Variants in SLC44A5 observed in about 807,000 individuals in gnomAD.
The protein encoded by SLC44A5 is solute carrier family 44 member 5.
Under a neutral mutation model 101.8 loss-of-function variants are expected in SLC44A5, and 57 were observed. That is an observed-to-expected ratio of 0.56 (90% CI 0.45 to 0.70). The LOEUF is 0.70. SLC44A5 is among the 30% of genes least tolerant of loss of function. The pLI, the probability that SLC44A5 is intolerant of heterozygous loss-of-function variation, is 0.00. For synonymous variants in SLC44A5, 281 were observed against 290.9 expected, an observed-to-expected ratio of 0.97 and a Z score of 0.35; for missense variants, 737 against 853.1, an observed-to-expected ratio of 0.86 and a Z score of 1.70.
the SLC44A5 span, among the ~76,000 whole-genome samples, chr1:75,656,541 A>G: frequency 1.3e-5 from 2 of 152,226 alleles, no homozygotes; most frequent in Non-Finnish European, 2.9e-5. Context: ...ACAGAGTGTT[A>G]TAATTTTTTC....
chr1:75,644,730 G>A, the SLC44A5 span, among the ~76,000 whole-genome samples: 465 of 152,056 alleles, frequency 3.1e-3, 2 homozygotes, highest in Non-Finnish European at 5.6e-3. Context: ...ATGTTGGTGT[G>A]CTGCACCTAT....
chr1:75,421,761 G>A (rs1246058039), intron 2 of SLC44A5, among the ~76,000 whole-genome samples: 1 of 151,808 alleles, frequency 6.6e-6, no homozygotes, highest in Non-Finnish European at 1.5e-5. Context: ...GAAACATGTA[G>A]GTGGAAAAAA....
chr1:75,222,546 T>C, intron 13 of SLC44A5, 86 bp from the exon 14 acceptor site: 2 of 752,944 alleles, frequency 2.7e-6, no homozygotes, highest in Non-Finnish European at 4.5e-6. Context: ...TTGAACTTTA[T>C]GATTATTTCT....
chr1:75,247,148 T>A (rs1372828135), intron 7 of SLC44A5, among the ~76,000 whole-genome samples: 1 of 151,916 alleles, frequency 6.6e-6, no homozygotes, highest in Non-Finnish European at 1.5e-5. Context: ...CTTGAACTAA[T>A]CTAAAAAAGA....
intron 1 of SLC44A5, among the ~76,000 whole-genome samples, chr1:75,544,469 T>C (rs1671533989): frequency 6.6e-6 from 1 of 152,190 alleles, no homozygotes; most frequent in African/African-American, 2.4e-5. Flanking sequence ...TGTTACCATT[T>C]TGCCACTTTT....
chr1:75,485,150 A>G (rs188148609), intron 2 of SLC44A5, among the ~76,000 whole-genome samples: 173 of 152,344 alleles, frequency 1.1e-3, no homozygotes, highest in African/African-American at 2.9e-3. Flanking sequence ...TTCTTCCCAT[A>G]AAATGGGTTT....
At chr1:75,376,149 G>A (rs1021936242) in intron 3 of SLC44A5, among the ~76,000 whole-genome samples, 4 of 152,192 alleles carry the variant, frequency 2.6e-5, no homozygotes, top group East Asian at 1.9e-4. Flanking sequence ...AACGGCGCAC[G>A]ACGAGATTAT....
At chr1:75,672,647 C>T in the SLC44A5 span, among the ~76,000 whole-genome samples, 3 of 152,138 alleles carry the variant, frequency 2.0e-5, no homozygotes, top group Non-Finnish European at 4.4e-5. Flanking sequence ...TTGCATGACC[C>T]CTCCCCAAAA....
chr1:75,371,923 G>A (rs758009036), intron 3 of SLC44A5, among the ~76,000 whole-genome samples: 7 of 152,142 alleles, frequency 4.6e-5, no homozygotes, highest in Non-Finnish European at 8.8e-5. Context: ...GTAGCTGGGC[G>A]CAGTGGCTCA....
intron 3 of SLC44A5, among the ~76,000 whole-genome samples, chr1:75,380,311 T>C (rs1660862373): frequency 1.2e-5 from 1 of 86,380 alleles, no homozygotes; most frequent in Non-Finnish European, 2.0e-5. Context: ...CTTGGGAAGA[T>C]CAAGTCTAAA....
At chr1:75,624,132 T>A in the SLC44A5 span, among the ~76,000 whole-genome samples, 1 of 152,146 alleles carries the variant, frequency 6.6e-6, no homozygotes. Flanking sequence ...GAAGTGGTTG[T>A]CTACTGATCA....
intron 12 of SLC44A5, among the ~76,000 whole-genome samples, chr1:75,233,441 CCACA>C (rs1647778776): frequency 6.6e-6 from 1 of 151,868 alleles, no homozygotes; most frequent in Non-Finnish European, 1.5e-5. Context: ...TATTTAGCTC[CCACA>C]CATTATTTAG....
At position 75,523,570 on chromosome 1, in the gene SLC44A5, C is replaced by T. The variant is rs113625666; in HGVS notation, c.13+17865G>A. Among the ~76,000 whole-genome samples the T allele has an allele frequency of 9.4e-3, 1,431 of 152,270 alleles. 7 individuals are homozygous for T. The highest frequency in any genetic ancestry group is 0.014 in the Non-Finnish European group (979 of 68,020). The stretch of plus-strand genomic sequence containing the variant: ...CTCCTGACCTCAGTTGATCCACCCG[C>T]CTCGGCCTCCCAAAGTGTTGGGATT... On this transcript the variant is annotated intron_variant, in intron 2 of 23. Coordinates refer to ENST00000370859, the MANE Select transcript of SLC44A5 (RefSeq NM_001130058.2).
the SLC44A5 span, among the ~76,000 whole-genome samples, chr1:75,695,390 T>C: frequency 6.6e-6 from 1 of 152,188 alleles, no homozygotes; most frequent in Admixed American, 6.5e-5. Flanking sequence ...TGGTGTCTCC[T>C]GGAGCTGTTT....
chr1:75,463,616 C>T (rs1437385848), intron 2 of SLC44A5, among the ~76,000 whole-genome samples: 1 of 151,846 alleles, frequency 6.6e-6, no homozygotes, highest in Non-Finnish European at 1.5e-5. Context: ...GTGAAAATAT[C>T]CTTCAAACAT....
intron 4 of SLC44A5, among the ~76,000 whole-genome samples, chr1:75,320,961 T>C (rs896551980): frequency 2.0e-5 from 3 of 152,142 alleles, no homozygotes; most frequent in Non-Finnish European, 4.4e-5. Flanking sequence ...TATTTATCAT[T>C]GTTGAATTGC....
chr1:75,377,241 G>C (rs1302279909), intron 3 of SLC44A5, among the ~76,000 whole-genome samples: 2 of 132,500 alleles, frequency 1.5e-5, no homozygotes, highest in African/African-American at 2.9e-5. Context: ...TCTCTGAAAC[G>C]TGTGCTGTGT....
rs1324408041 is a variant in SLC44A5, at chr1:75,546,264, G to A, written c.-69-4748C>T. On this transcript the variant is annotated intron_variant, in intron 1 of 23. Transcript: ENST00000370859. ...CGCCCAGGTCGGACTGCGGACTGCAGTGGCGCAATCTCGGCTCACTGCAAG... is the reference window on the plus strand; with the variant it reads ...CGCCCAGGTCGGACTGCGGACTGCAATGGCGCAATCTCGGCTCACTGCAAG... Among the ~76,000 whole-genome samples the A allele has an allele frequency of 3.3e-3, 2 of 612 alleles. 1 individual carries two copies. Among genetic ancestry groups the A allele is most frequent in the Non-Finnish European group, 5.7e-3 (2 of 350 alleles). The allele number at this position is 612 out of a possible 152,430, so 0.4% of individuals were successfully genotyped here. A position where few individuals can be genotyped will look rare whatever the true frequency, so the allele number is the denominator to read the frequency against.
chr1:75,502,788 T>C (rs190758383), intron 2 of SLC44A5, among the ~76,000 whole-genome samples: 64 of 150,616 alleles, frequency 4.2e-4, no homozygotes, highest in Non-Finnish European at 7.2e-4. Flanking sequence ...GAAAAATTAA[T>C]ATTACAAAAA....
Sources: gnomAD v4.1 joint callset for allele counts (sites outside exome capture counted in the v4.1 genomes callset) on GRCh38, gnomAD v4.1.1 for gene constraint, MANE v1.5 for transcripts, NCBI Gene and HGNC (gene_info 2026-07-23, HGNC 2026-07-21) for gene names.